PLPP1: variants seen among roughly 807,000 people sequenced by gnomAD.
PLPP1 encodes the protein phospholipid phosphatase 1.
PLPP1 carries 24 observed loss-of-function variants against 31.2 expected under a neutral mutation model. The observed-to-expected ratio is 0.77, with a 90% CI of 0.56 to 1.08. The LOEUF is 1.08. Ranked by LOEUF, PLPP1 falls within the 50% of genes least tolerant of loss-of-function variation. PLPP1 has a pLI of 0.00. For missense variants in PLPP1, 319 were observed against 342.7 expected, an observed-to-expected ratio of 0.93 and a Z score of 0.55; for synonymous variants, 146 against 126.3, an observed-to-expected ratio of 1.16 and a Z score of -1.05.
intron 1 of PLPP1, among the ~76,000 whole-genome samples, chr5:55,532,971 A>AG (rs1740729115): frequency 7.6e-6 from 1 of 132,304 alleles, no homozygotes; most frequent in African/African-American, 2.8e-5. Flanking sequence ...AAAAAAAAAA[A>AG]GACAATGTGC....
chr5:55,457,593 A>G (rs1264136806), intron 3 of PLPP1, among the ~76,000 whole-genome samples: 1 of 152,182 alleles, frequency 6.6e-6, no homozygotes, highest in Non-Finnish European at 1.5e-5. Flanking sequence ...AACCAGAGAA[A>G]TAATATATGT....
chr5:55,473,365 C>T (rs1458286007), intron 2 of PLPP1, among the ~76,000 whole-genome samples: 1 of 152,132 alleles, frequency 6.6e-6, no homozygotes, highest in Admixed American at 6.6e-5. Flanking sequence ...CCATGCCAGG[C>T]AGTGGACACA....
At position 55,424,892 on chromosome 5, in the gene PLPP1, A is replaced by AT. The variant is rs1276222502; in HGVS notation, c.*313_*314insA. 49 of 699,908 alleles carry AT rather than the reference A, an allele frequency of 7.0e-5. No homozygotes were observed. The African/African-American group carries it at 7.0e-4, about 10-fold the overall frequency. The allele number at this position is 699,908 out of a possible 1,614,324, so 43.4% of individuals were successfully genotyped here. ...TACATTTTAATATGTATTATATTTA[A>AT]ATCAAACATCATTCATAGAAAGCAT... On this transcript the variant is annotated 3_prime_UTR_variant, in exon 6 of 6. Transcript: ENST00000307259.
chr5:55,497,975 C>A (rs1444503728), intron 1 of PLPP1, among the ~76,000 whole-genome samples: 2 of 151,756 alleles, frequency 1.3e-5, no homozygotes, highest in Non-Finnish European at 2.9e-5. Context: ...AGACTGAGGG[C>A]AGGGAAGGCA....
At chr5:55,507,873 T>C (rs76905205) in intron 1 of PLPP1, among the ~76,000 whole-genome samples, 1 of 151,632 alleles carries the variant, frequency 6.6e-6, no homozygotes. Flanking sequence ...TTTTTTTTTT[T>C]TGAGACAAGA....
chr5:55,448,126 T>G (rs1213725151), intron 3 of PLPP1, among the ~76,000 whole-genome samples: 1 of 152,210 alleles, frequency 6.6e-6, no homozygotes, highest in Non-Finnish European at 1.5e-5. Flanking sequence ...CATAAACTTT[T>G]CCTAAGTATA....
intron 3 of PLPP1, among the ~76,000 whole-genome samples, chr5:55,465,921 A>C (rs1032321988): frequency 6.6e-6 from 1 of 150,966 alleles, no homozygotes; most frequent in Non-Finnish European, 1.5e-5. Flanking sequence ...GGCTTTCCCT[A>C]GGATACTGCT....
chr5:55,524,824 G>C (rs1753747183), intron 1 of PLPP1, among the ~76,000 whole-genome samples: 1 of 152,042 alleles, frequency 6.6e-6, no homozygotes, highest in Non-Finnish European at 1.5e-5. Context: ...CCAAAAAAAA[G>C]TTTTAGGAAT....
chr5:55,476,594 C>T (rs1752556359), intron 1 of PLPP1, among the ~76,000 whole-genome samples: 1 of 152,138 alleles, frequency 6.6e-6, no homozygotes, highest in African/African-American at 2.4e-5. Context: ...TGCTTTAAGA[C>T]TGACCCAAGC....
chr5:55,463,111 A>T (rs1281546122), intron 3 of PLPP1, among the ~76,000 whole-genome samples: 1 of 152,184 alleles, frequency 6.6e-6, no homozygotes, highest in Non-Finnish European at 1.5e-5. Flanking sequence ...ACATGTTCTC[A>T]TTCCTAAGTG....
chr5:55,468,733 G>T (rs1158267815), intron 2 of PLPP1, among the ~76,000 whole-genome samples: 1 of 152,114 alleles, frequency 6.6e-6, no homozygotes, highest in Non-Finnish European at 1.5e-5. Flanking sequence ...AACCTGGGAG[G>T]CAGAGGTTGC....
chr5:55,532,538 T>A (rs537561993), intron 1 of PLPP1, among the ~76,000 whole-genome samples: 1 of 152,340 alleles, frequency 6.6e-6, no homozygotes, highest in African/African-American at 2.4e-5. Context: ...TCCAATGACA[T>A]CAAGTATAAG....
intron 1 of PLPP1, chr5:55,530,478 G>C: frequency 8.2e-7 from 1 of 1,218,598 alleles, no homozygotes; most frequent in Non-Finnish European, 1.2e-6. Flanking sequence ...TGTGTTATCA[G>C]ATGTGGATGT....
At chr5:55,521,894 ATAATAGCT>A (rs559834341) in intron 1 of PLPP1, among the ~76,000 whole-genome samples, 180 of 152,324 alleles carry the variant, frequency 1.2e-3, no homozygotes, top group Non-Finnish European at 2.1e-3. Context: ...CATTCAATAG[ATAATAGCT>A]TTCTTCTCTA....
At chr5:55,465,162 G>A (rs1042382575) in intron 3 of PLPP1, among the ~76,000 whole-genome samples, 3 of 151,798 alleles carry the variant, frequency 2.0e-5, no homozygotes, top group Middle Eastern at 6.8e-3. Context: ...TCCTGCCTCA[G>A]CCTCCCAAGT....
chr5:55,475,656 A>G (rs1368715137), intron 1 of PLPP1, among the ~76,000 whole-genome samples: 1 of 152,242 alleles, frequency 6.6e-6, no homozygotes, highest in Non-Finnish European at 1.5e-5. Flanking sequence ...TCTACAGCAA[A>G]CAAAGTGTTC....
chr5:55,496,534 G>A (rs1298008055), intron 1 of PLPP1, among the ~76,000 whole-genome samples: 2 of 152,140 alleles, frequency 1.3e-5, no homozygotes, highest in Non-Finnish European at 2.9e-5. Context: ...TGCTAGCCCA[G>A]GATACTACAA....
chr5:55,500,727 A>G (rs1753124111), intron 1 of PLPP1, among the ~76,000 whole-genome samples: 2 of 152,324 alleles, frequency 1.3e-5, no homozygotes, highest in South Asian at 4.1e-4. Context: ...GTGAAGACAG[A>G]ATAGACGGCA....
intron 1 of PLPP1, among the ~76,000 whole-genome samples, chr5:55,516,613 G>A (rs1753559456): frequency 6.6e-6 from 1 of 152,186 alleles, no homozygotes; most frequent in African/African-American, 2.4e-5. Flanking sequence ...GTCCTTTTCA[G>A]ATAAACTAAA....
Sources: allele counts gnomAD v4.1 joint callset (sites outside exome capture counted in the v4.1 genomes callset), GRCh38; gene constraint gnomAD v4.1.1; transcripts MANE v1.5; gene names NCBI Gene and HGNC (gene_info 2026-07-23, HGNC 2026-07-21).